The following ZNF280C variants were observed in gnomAD, a reference collection of about 807,000 sequenced individuals.
The protein encoded by ZNF280C is suppressor of hairy wing homolog 3.
A neutral mutation model predicts 53.6 loss-of-function variants in ZNF280C; 14 were observed. That is an observed-to-expected ratio of 0.26 (90% CI 0.17 to 0.41). The LOEUF is 0.41. Among genes scored for constraint, ZNF280C ranks in the 10% least tolerant of loss-of-function variants. ZNF280C has a pLI of 1.00. For synonymous variants in ZNF280C, 203 were observed against 181.1 expected, an observed-to-expected ratio of 1.12 and a Z score of -0.97; for missense variants, 416 against 547.1, an observed-to-expected ratio of 0.76 and a Z score of 2.39.
At chrX:130,223,085 C>T (rs749509817) in intron 12 of ZNF280C, among the ~76,000 whole-genome samples, 44 of 109,935 alleles carry the variant, frequency 4.0e-4, no homozygotes, top group Admixed American at 3.4e-3. Context: ...TCTTTTGAGA[C>T]GGAGTCTTGC....
chrX:130,226,819 T>C lies in ZNF280C; in HGVS notation c.1335A>G (p.Pro445=). The change falls in exon 12 of 19, where the codon CCA becomes CCG. Residue 445 remains proline, a synonymous_variant. Coordinates refer to ENST00000370978, the MANE Select transcript of ZNF280C (RefSeq NM_017666.5). ...AHENTKNLLC[P]FCLKVSKMAT... ...CCATTTTACTAACTTTGAGGCAAAA[T>C]GGACATAGCAAGTTCTTAGTGTTTT... The C allele has an allele frequency of 8.3e-7, 1 of 1,210,606 alleles. No individual in the cohort carries two copies.
intron 6 of ZNF280C, 33 bp from the exon 7 acceptor site, chrX:130,236,672 G>A (rs1182801064): frequency 1.9e-6 from 2 of 1,032,521 alleles, no homozygotes; most frequent in East Asian, 3.2e-5. Flanking sequence ...AAAGATATTT[G>A]TAAATATTTC....
rs17268146 is a variant in ZNF280C at position 130,207,154 on chromosome X, T to C, written c.2043-1739A>G. Among the ~76,000 whole-genome samples the C allele has an allele frequency of 0.025, 2,796 of 111,130 alleles. 189 individuals carry two copies. The East Asian group carries it at 0.36, about 14-fold the overall frequency. On this transcript the variant is annotated intron_variant, in intron 16 of 18. Transcript: ENST00000370978. ...ATTAAGTAAGTCTTAACCACTACAA[T>C]AGCCTTAACCAGCCTATGTGTCTCA... is the stretch of plus-strand genomic sequence containing the variant.
intron 1 of ZNF280C, among the ~76,000 whole-genome samples, chrX:130,267,356 C>T (rs1161608633): frequency 9.0e-6 from 1 of 111,224 alleles, no homozygotes; most frequent in Non-Finnish European, 1.9e-5. Context: ...TTTAAGTGAG[C>T]CTCCTTGCTT....
chrX:130,242,114 G>A (rs2032398907), intron 5 of ZNF280C, among the ~76,000 whole-genome samples: 1 of 109,338 alleles, frequency 9.1e-6, no homozygotes, highest in African/African-American at 3.3e-5. Context: ...GTGGTGGTGC[G>A]TGCCTGTAAT....
At chrX:130,248,245 C>T (rs937046817) in intron 2 of ZNF280C, among the ~76,000 whole-genome samples, 2 of 104,426 alleles carry the variant, frequency 1.9e-5, no homozygotes, top group Admixed American at 1.1e-4. Context: ...TAGAATGAAG[C>T]GGGAGGAAAC....
At chrX:130,255,299 C>A (rs1302718366) in intron 2 of ZNF280C, among the ~76,000 whole-genome samples, 1 of 103,562 alleles carries the variant, frequency 9.7e-6, no homozygotes, top group Non-Finnish European at 2.0e-5. Flanking sequence ...CGCCACTACG[C>A]CCGGCTAATT....
At chrX:130,209,742 TTTA>T (rs1402825924) in intron 15 of ZNF280C, 27 bp from the exon 16 acceptor site, 1 of 1,088,002 alleles carries the variant, frequency 9.2e-7, no homozygotes, top group Non-Finnish European at 1.3e-6. Context: ...CAAACAAGAT[TTTA>T]TTAATTTTAT....
At chrX:130,213,000 G>T (rs1236834739) in intron 15 of ZNF280C, among the ~76,000 whole-genome samples, 1 of 111,938 alleles carries the variant, frequency 8.9e-6, no homozygotes, top group Non-Finnish European at 1.9e-5. Flanking sequence ...GTAATTATTA[G>T]GCAAGGTTAA....
chrX:130,236,486 T>C lies in ZNF280C; in HGVS notation c.647A>G (p.Gln216Arg), dbSNP rs147557760. ...ATGTTTACCTTTTGACAGCATAACT[T>C]GGGAGGATGTCACTGGAGGAGAGCC... ...LIGSPPVTSSQVMLSKGTNTS... is the reference protein window; with the variant it reads ...LIGSPPVTSSRVMLSKGTNTS... Residue 216 changes from glutamine (Q) to arginine (R), a missense_variant, in exon 7 of 19, where the codon CAA becomes CGA. Physicochemically the swap from Gln to Arg is conservative, Grantham distance 43. Transcript: ENST00000370978. 8.3e-7 allele frequency: 1 copy of C among 1,200,781 alleles called. No individual in the cohort carries two copies. The highest frequency in any genetic ancestry group is 1.1e-6 in the Non-Finnish European group (1 of 891,210).
chrX:130,218,126 C>T (rs746765835), intron 13 of ZNF280C, among the ~76,000 whole-genome samples: 23 of 111,998 alleles, frequency 2.1e-4, no homozygotes, highest in Admixed American at 6.6e-4. Context: ...GGCACCACTA[C>T]ACTCCAACCT....
At chrX:130,217,990 T>C (rs1200175039) in intron 13 of ZNF280C, among the ~76,000 whole-genome samples, 2 of 111,234 alleles carry the variant, frequency 1.8e-5, no homozygotes, top group Non-Finnish European at 3.8e-5. Flanking sequence ...GGGCAACTCA[T>C]CTCTACCAAA....
At chrX:130,248,497 CATCTGT>C (rs760145041) in intron 2 of ZNF280C, among the ~76,000 whole-genome samples, 36 of 111,538 alleles carry the variant, frequency 3.2e-4, no homozygotes, top group African/African-American at 1.1e-3. Context: ...GTTGCAGGAA[CATCTGT>C]ATTCAAGCAC....
chrX:130,222,039 T>A (rs2032170033), intron 12 of ZNF280C, among the ~76,000 whole-genome samples: 1 of 110,962 alleles, frequency 9.0e-6, no homozygotes. Flanking sequence ...CTTCCTTGAA[T>A]ATCCTAGGTA....
At chrX:130,226,730 A>T in intron 12 of ZNF280C, 29 bp downstream of exon 12, 1 of 1,190,258 alleles carries the variant, frequency 8.4e-7, no homozygotes, top group South Asian at 1.9e-5. Flanking sequence ...CTAAGACAAC[A>T]TGAACAAATA....
intron 12 of ZNF280C, among the ~76,000 whole-genome samples, chrX:130,222,411 T>C (rs1196460308): frequency 9.2e-6 from 1 of 109,100 alleles, no homozygotes; most frequent in Non-Finnish European, 1.9e-5. Flanking sequence ...CCTAAAACAG[T>C]CCTTGGCATA....
intron 10 of ZNF280C, 70 bp from the exon 11 acceptor site, chrX:130,227,852 A>G: frequency 1.8e-6 from 1 of 559,480 alleles, no homozygotes; most frequent in African/African-American, 2.3e-5. Context: ...TTGTACATCC[A>G]CAACAAGTAA....
At chrX:130,266,258 T>G (rs1348239851) in intron 1 of ZNF280C, among the ~76,000 whole-genome samples, 1 of 112,040 alleles carries the variant, frequency 8.9e-6, no homozygotes, top group African/African-American at 3.2e-5. Flanking sequence ...GGAAAAATGC[T>G]GTATGATCTC....
At chrX:130,230,845 T>C (rs946713925) in intron 8 of ZNF280C, 118 bp from the exon 9 acceptor site, 7 of 444,609 alleles carry the variant, frequency 1.6e-5, no homozygotes, top group African/African-American at 1.5e-4. Context: ...GCAATGTATC[T>C]AGAAAGATAC....
Sources: gnomAD v4.1 joint callset for allele counts (sites outside exome capture counted in the v4.1 genomes callset) on GRCh38, gnomAD v4.1.1 for gene constraint, MANE v1.5 for transcripts, NCBI Gene and HGNC (gene_info 2026-07-23, HGNC 2026-07-21) for gene names.